PA2G4: variants seen among roughly 807,000 people sequenced by gnomAD.
PA2G4 encodes the protein proliferation-associated 2G4.
A neutral mutation model predicts 53.3 loss-of-function variants in PA2G4; 8 were observed. The observed-to-expected ratio is 0.15, with a 90% CI of 0.09 to 0.27. The LOEUF (loss-of-function observed/expected upper bound fraction) is 0.27. Ranked by LOEUF, PA2G4 falls within the 10% of genes least tolerant of loss-of-function variation. PA2G4 has a pLI of 1.00. For synonymous variants in PA2G4, 143 were observed against 169.8 expected, an observed-to-expected ratio of 0.84 and a Z score of 1.23; for missense variants, 208 against 486.8, an observed-to-expected ratio of 0.43 and a Z score of 5.39.
chr12:56,112,614 T>C (rs1267047945), intron 12 of PA2G4, among the ~76,000 whole-genome samples: 2 of 152,092 alleles, frequency 1.3e-5, no homozygotes, highest in Admixed American at 6.5e-5. Context: ...AAAAAAGTTG[T>C]ACATGGTGGC....
chr12:56,109,199 T>G, intron 5 of PA2G4, 31 bp from the exon 6 acceptor site: 2 of 1,495,930 alleles, frequency 1.3e-6, no homozygotes, highest in Non-Finnish European at 1.9e-6. Flanking sequence ...GCTCCTGATA[T>G]CTCACCTTTC....
chr12:56,109,707 C>A, intron 6 of PA2G4, 150 bp from the exon 7 acceptor site: 1 of 632,960 alleles, frequency 1.6e-6, no homozygotes, highest in Non-Finnish European at 2.9e-6. Context: ...CTGGCTATAA[C>A]CCAGTCTAAG....
chr12:56,110,646 T>C lies in PA2G4; in HGVS notation c.796T>C (p.Phe266Leu). The C allele has an allele frequency of 6.2e-7, 1 of 1,614,180 alleles. No homozygotes were observed. Among genetic ancestry groups the C allele is most frequent in the Non-Finnish European group, 8.5e-7 (1 of 1,180,030 alleles). Residue 266 changes from phenylalanine (F) to leucine (L), a missense_variant, in exon 9 of 13, where the codon TTC (phenylalanine) becomes CTC (leucine). Physicochemically the swap from Phe to Leu is conservative, Grantham distance 22 (BLOSUM62 0). Around this residue, in one of 3 missense-constraint regions of PA2G4, gnomAD observed 143 missense variants for 386.8 expected, o/e 0.37. Coordinates refer to ENST00000303305, the MANE Select transcript of PA2G4 (RefSeq NM_006191.3). Reference sequence around the variant, plus strand: ...GAAAATGAAAACTTCACGTGCCTTCTTCAGTGAGGTGGAAAGGCGTTTTGA... The same window carrying C: ...GAAAATGAAAACTTCACGTGCCTTCCTCAGTGAGGTGGAAAGGCGTTTTGA... ...GLKMKTSRAF[F>L]SEVERRFDAM...
intron 12 of PA2G4, 87 bp downstream of exon 12, chr12:56,111,616 T>G (rs1869427406): frequency 8.6e-7 from 1 of 1,166,174 alleles, no homozygotes; most frequent in Non-Finnish European, 1.3e-6. Context: ...AAATACGGAT[T>G]TTTATACAGA....
chr12:56,109,808 CT>C, intron 6 of PA2G4, 48 bp from the exon 7 acceptor site: 1 of 1,411,954 alleles, frequency 7.1e-7, no homozygotes, highest in Non-Finnish European at 1.0e-6. Context: ...ATTTGGAAAC[CT>C]TTTGGGATAC....
rs945901639 is a variant in PA2G4 at position 56,109,486 on chromosome 12, G to T, written c.550+193G>T. ...AATATAAAAATTAGCTGGGCGTGGT[G>T]GTGGGTGCCTGTAATCCCAGCTACT... is the stretch of plus-strand genomic sequence containing the variant. On this transcript the variant is annotated intron_variant, in intron 6 of 12. Coordinates refer to ENST00000303305, the MANE Select transcript of PA2G4 (RefSeq NM_006191.3). 3.3e-5 allele frequency among the ~76,000 whole-genome samples: 5 copies of T among 152,050 alleles called. No individual in the cohort carries two copies. In the East Asian group the frequency reaches 9.7e-4, roughly 29 times the overall value.
Position 56,112,970 on chromosome 12 carries a change from C to T in PA2G4, c.*82C>T, listed in dbSNP as rs988300309. 4.3e-6 allele frequency: 4 copies of T among 941,142 alleles called. No homozygotes were observed. The South Asian group carries it at 4.9e-5, about 12-fold the overall frequency. 58.3% of individuals were successfully genotyped at this position (941,142 alleles called of 1,614,324 possible). A position where few individuals can be genotyped will look rare whatever the true frequency, so the allele number is the denominator to read the frequency against. On this transcript the variant is annotated 3_prime_UTR_variant, in exon 13 of 13. Transcript: ENST00000303305. Reference sequence around the variant, plus strand: ...CCAGACTCTGTGAAGTGCAGTTCTTCTCCACCTAGGACCGCCAGCAGAGCG... The same window carrying T: ...CCAGACTCTGTGAAGTGCAGTTCTTTTCCACCTAGGACCGCCAGCAGAGCG...
At position 56,111,078 on chromosome 12, in the gene PA2G4, T is replaced by A; in HGVS notation, c.937+20T>A. ...AGGAGGGTGAGTTCCAAAAAGAGCT[T>A]CACTTTGGATTCCCTGATTATAAGA... is the stretch of plus-strand genomic sequence containing the variant. On this transcript the variant is annotated intron_variant, in intron 10 of 12. Transcript: ENST00000303305. 3 of 1,613,102 alleles carry A rather than the reference T, an allele frequency of 1.9e-6. No homozygotes were observed. The highest frequency in any genetic ancestry group is 2.5e-6 in the Non-Finnish European group (3 of 1,179,014).
rs192227039 is a variant in PA2G4, at chr12:56,113,668, T to G, written c.*780T>G. On this transcript the variant is annotated 3_prime_UTR_variant, in exon 13 of 13. Transcript: ENST00000303305. ...GTTTTGTTCCCTGTTTGAAATATTG[T>G]GATCTCCCTCCCATGAAAGAAAAAC... 1.1e-3 allele frequency: 663 copies of G among 599,106 alleles called. No homozygotes were observed. Among genetic ancestry groups the G allele is most frequent in the Non-Finnish European group, 1.5e-3 (497 of 340,068 alleles). 37.1% of individuals were successfully genotyped at this position (599,106 alleles called of 1,614,324 possible).
chr12:56,105,303 AC>A (rs988285855), intron 1 of PA2G4, among the ~76,000 whole-genome samples: 1 of 151,638 alleles, frequency 6.6e-6, no homozygotes, highest in Non-Finnish European at 1.5e-5. Context: ...CCCCCTTCTT[AC>A]TCCGCTAGTG....
intron 12 of PA2G4, 132 bp from the exon 13 acceptor site, chr12:56,112,691 T>C (rs1226454241): frequency 6.2e-6 from 4 of 644,450 alleles, no homozygotes; most frequent in Non-Finnish European, 1.1e-5. Flanking sequence ...AGGGAAGTGG[T>C]ACCACTGCAC....
chr12:56,106,894 TAAGC>T, intron 2 of PA2G4, 92 bp from the exon 3 acceptor site: 1 of 1,297,232 alleles, frequency 7.7e-7, no homozygotes, highest in South Asian at 1.3e-5. Flanking sequence ...TGATGAAACT[TAAGC>T]AAGACCCTGA....
rs979657694 is a variant in PA2G4, at chr12:56,112,818, T to C, written c.1120-5T>C. The C allele has an allele frequency of 3.2e-6, 5 of 1,580,182 alleles. No individual in the cohort carries two copies. Among genetic ancestry groups the C allele is most frequent in the Non-Finnish European group, 4.3e-6 (5 of 1,163,504 alleles). ...GTCTTCTCCCTCTCCTTTTCTTGCA[T>C]ATAGGCCTCCAAGACTGCAGAGAAT... On this transcript the variant is annotated splice_polypyrimidine_tract_variant and splice_region_variant and intron_variant, in intron 12 of 12. Coordinates refer to ENST00000303305, the MANE Select transcript of PA2G4 (RefSeq NM_006191.3).
intron 1 of PA2G4, 167 bp from the exon 2 acceptor site, chr12:56,106,421 G>C (rs1869302785): frequency 1.5e-6 from 1 of 682,348 alleles, no homozygotes; most frequent in African/African-American, 1.8e-5. Context: ...TATATACCCA[G>C]TTGTCACATA....
Position 56,109,848 on chromosome 12 carries a change from T to C in PA2G4, c.551-9T>C, listed in dbSNP as rs746165890. 1.9e-6 allele frequency: 3 copies of C among 1,605,508 alleles called. No homozygotes were observed. The highest frequency in any genetic ancestry group is 2.6e-6 in the Non-Finnish European group (3 of 1,172,142). ...ATAGCTTGTTCCATAGGTTGTGTAC[T>C]ATCTACAGGTATGCTGTCACACCAG... On this transcript the variant is annotated splice_polypyrimidine_tract_variant and intron_variant, in intron 6 of 12. Transcript: ENST00000303305.
At chr12:56,109,124 CAAAA>C (rs59103730) in intron 5 of PA2G4, 102 bp from the exon 6 acceptor site, 314 of 381,802 alleles carry the variant, frequency 8.2e-4, no homozygotes, top group Middle Eastern at 1.4e-3. Context: ...GACTCCATCT[CAAAA>C]AAAAAAAAAA....
intron 6 of PA2G4, 139 bp from the exon 7 acceptor site, chr12:56,109,718 C>A: frequency 1.5e-6 from 1 of 660,514 alleles, no homozygotes; most frequent in Admixed American, 2.3e-5. Context: ...CCAGTCTAAG[C>A]CAGAAATCTC....
At chr12:56,111,923 A>T (rs1219563473) in intron 12 of PA2G4, among the ~76,000 whole-genome samples, 1 of 151,440 alleles carries the variant, frequency 6.6e-6, no homozygotes, top group African/African-American at 2.4e-5. Context: ...GATCAGCCTG[A>T]CCAACACAGA....
intron 5 of PA2G4, 130 bp downstream of exon 5, chr12:56,107,743 AT>A: frequency 1.6e-6 from 1 of 616,978 alleles, no homozygotes. Context: ...AATTAGCTAT[AT>A]TTAGCTGGGC....
Sources: allele counts gnomAD v4.1 joint callset (sites outside exome capture counted in the v4.1 genomes callset), GRCh38; gene constraint gnomAD v4.1.1; regional missense constraint gnomAD v4.1.1; transcripts MANE v1.5; gene names NCBI Gene and HGNC (gene_info 2026-07-23, HGNC 2026-07-21).